HEATR5B: variants seen among roughly 807,000 people sequenced by gnomAD.
HEATR5B encodes the protein HEAT repeat-containing protein 5B.
Under a neutral mutation model 224.1 loss-of-function variants are expected in HEATR5B, and 156 were observed. The ratio of observed to expected loss-of-function variants is 0.70; its 90% CI spans 0.61 to 0.80. HEATR5B has a LOEUF of 0.80. Among genes scored for constraint, HEATR5B ranks in the 30% least tolerant of loss-of-function variants. HEATR5B has a pLI of 0.00. For synonymous variants in HEATR5B, 1,027 were observed against 893.0 expected, an observed-to-expected ratio of 1.15 and a Z score of -2.68; for missense variants, 2,323 against 2,535.5, an observed-to-expected ratio of 0.92 and a Z score of 1.80.
intron 11 of HEATR5B, among the ~76,000 whole-genome samples, chr2:37,061,560 C>T (rs529384636): frequency 6.6e-6 from 1 of 152,122 alleles, no homozygotes; most frequent in African/African-American, 2.4e-5. Context: ...TTAAGGGTTA[C>T]CCCAGAAAAG....
chr2:37,049,621 C>A lies in HEATR5B; in HGVS notation c.2696+32G>T, dbSNP rs1424140358. ...TATTTAAAAGACATCTTTGCCTACACATGAAACTTGTTAGTAAAGAAACCC... is the reference window on the plus strand; with the variant it reads ...TATTTAAAAGACATCTTTGCCTACAAATGAAACTTGTTAGTAAAGAAACCC... On this transcript the variant is annotated intron_variant, in intron 18 of 35. Transcript: ENST00000233099. The A allele has an allele frequency of 2.6e-6, 4 of 1,568,008 alleles. No homozygotes were observed. The South Asian group carries it at 3.4e-5, about 13-fold the overall frequency.
chr2:37,025,238 A>G (rs374026457), intron 24 of HEATR5B, among the ~76,000 whole-genome samples: 1 of 152,146 alleles, frequency 6.6e-6, no homozygotes, highest in Non-Finnish European at 1.5e-5. Context: ...AGCTGTTACA[A>G]CAGCTTACCC....
intron 5 of HEATR5B, among the ~76,000 whole-genome samples, chr2:37,073,370 G>A (rs1572940508): frequency 6.6e-6 from 1 of 152,144 alleles, no homozygotes; most frequent in African/African-American, 2.4e-5. Flanking sequence ...AATAGATGCT[G>A]AAAAATGATT....
chr2:37,052,954 T>C (rs972099378), intron 17 of HEATR5B, among the ~76,000 whole-genome samples: 2 of 152,202 alleles, frequency 1.3e-5, no homozygotes, highest in Non-Finnish European at 2.9e-5. Context: ...CAGTTGACCA[T>C]TGGTAATTGA....
At chr2:36,982,654 G>C (rs1665659114) in intron 35 of HEATR5B, among the ~76,000 whole-genome samples, 1 of 152,126 alleles carries the variant, frequency 6.6e-6, no homozygotes, top group African/African-American at 2.4e-5. Context: ...AGCAAGGACA[G>C]TGATAATAAT....
intron 18 of HEATR5B, 84 bp downstream of exon 18, chr2:37,049,569 T>G (rs529599244): frequency 8.2e-7 from 1 of 1,221,866 alleles, no homozygotes; most frequent in African/African-American, 1.5e-5. Flanking sequence ...GTATACCATG[T>G]GGAAAACATA....
In HEATR5B at chr2:37,002,290, C is replaced by A. The variant is rs1667137578; in HGVS notation, c.5317+16G>T. 3 of 1,613,852 alleles carry A rather than the reference C, an allele frequency of 1.9e-6. No homozygotes were observed. The highest frequency in any genetic ancestry group is 2.5e-6 in the Non-Finnish European group (3 of 1,179,742). On this transcript the variant is annotated intron_variant, in intron 32 of 35. Coordinates refer to ENST00000233099, the MANE Select transcript of HEATR5B (RefSeq NM_019024.3). ...CTGTAATATAATGCATTTCCAAATA[C>A]TGATCAATACCGTACCAGCGGGTGA...
chr2:37,040,718 A>C (rs1308570645), intron 19 of HEATR5B, among the ~76,000 whole-genome samples, 200 bp from the exon 20 acceptor site: 1 of 152,204 alleles, frequency 6.6e-6, no homozygotes, highest in East Asian at 1.9e-4. Context: ...AATAACGTCT[A>C]AAAAGAAACA....
chr2:36,999,225 C>CA (rs1222853647), intron 33 of HEATR5B, among the ~76,000 whole-genome samples: 11 of 151,698 alleles, frequency 7.3e-5, no homozygotes, highest in South Asian at 4.2e-4. Flanking sequence ...TCTCAAAAAA[C>CA]AAAAAAACAA....
rs189000336 is a variant in HEATR5B at position 37,026,353 on chromosome 2, G to A, written c.3853+1570C>T. Among the ~76,000 whole-genome samples, 595 of 152,304 alleles carry A rather than the reference G, an allele frequency of 3.9e-3. 23 individuals are homozygous for A. The highest frequency in any genetic ancestry group is 0.036 in the Admixed American group (552 of 15,296). Reference sequence around the variant, plus strand: ...CTTCTGACCTACAGAACTGTAAGATGATAAACTTGTGTGATTTTAAACCAA... The same window carrying A: ...CTTCTGACCTACAGAACTGTAAGATAATAAACTTGTGTGATTTTAAACCAA... On this transcript the variant is annotated intron_variant, in intron 24 of 35. Transcript: ENST00000233099.
intron 18 of HEATR5B, among the ~76,000 whole-genome samples, chr2:37,043,132 G>T (rs1669981090): frequency 6.6e-6 from 1 of 152,124 alleles, no homozygotes; most frequent in Admixed American, 6.6e-5. Flanking sequence ...TGCCAAAACT[G>T]TTCTACCCAA....
chr2:37,075,321 A>G (rs1351638792), intron 5 of HEATR5B, among the ~76,000 whole-genome samples, 164 bp downstream of exon 5: 2 of 152,254 alleles, frequency 1.3e-5, no homozygotes, highest in African/African-American at 2.4e-5. Flanking sequence ...CACATACACA[A>G]AAGTACATCT....
chr2:37,020,974 A>G (rs961538670), intron 24 of HEATR5B, 138 bp from the exon 25 acceptor site: 1 of 575,132 alleles, frequency 1.7e-6, no homozygotes, highest in African/African-American at 1.9e-5. Flanking sequence ...CAAAGATATT[A>G]TATTCTTTCA....
rs532602251 is a variant in HEATR5B at position 36,983,902 on chromosome 2, T to A, written c.5912-2108A>T. On this transcript the variant is annotated intron_variant, in intron 35 of 35. Coordinates refer to ENST00000233099, the MANE Select transcript of HEATR5B (RefSeq NM_019024.3). ...ATTAAGGTTTTGGTTTTAACAATTT[T>A]AAAATATAACTGGAGGCCGGACGCA... 3.3e-4 allele frequency among the ~76,000 whole-genome samples: 50 copies of A among 151,722 alleles called. 1 individual carries two copies. In the South Asian group the frequency reaches 9.6e-3, roughly 29 times the overall value.
rs775520208 is a variant in HEATR5B, at chr2:37,002,378, C to T, written c.5245G>A (p.Glu1749Lys). ...SHIATKTRLS[E>K]ESARLVAATV... ...GCTGCCACCAAACGAGCACTTTCTT[C>T]TGATAGTCGAGTTTTAGTGGCTATG... The change falls in exon 32 of 36, where the codon GAA (glutamate) becomes AAA (lysine). Residue 1749 changes from glutamate (E) to lysine (K), a missense_variant. Coordinates refer to ENST00000233099, the MANE Select transcript of HEATR5B (RefSeq NM_019024.3). The T allele has an allele frequency of 1.2e-5, 19 of 1,614,104 alleles. No individual in the cohort carries two copies. The East Asian group carries it at 4.2e-4, about 36-fold the overall frequency.
chr2:37,032,099 G>A (rs953542231), intron 22 of HEATR5B, among the ~76,000 whole-genome samples: 4 of 151,926 alleles, frequency 2.6e-5, no homozygotes, highest in East Asian at 1.9e-4. Flanking sequence ...AAATTACATC[G>A]CAAGAGGCTA....
At chr2:37,081,544 A>G (rs74427999) in intron 2 of HEATR5B, among the ~76,000 whole-genome samples, 11,746 of 152,216 alleles carry the variant, frequency 0.077, 551 homozygotes, top group South Asian at 0.12. Flanking sequence ...CCCCTAAGAG[A>G]TCACGGTTTT....
intron 21 of HEATR5B, among the ~76,000 whole-genome samples, chr2:37,034,632 A>G (rs113739931): frequency 1.3e-5 from 2 of 148,618 alleles, no homozygotes; most frequent in Non-Finnish European, 3.0e-5. Context: ...AAAAAAAAAA[A>G]AAAAAAAGAC....
At chr2:37,037,159 T>TATATATATATA (rs1448007926) in intron 21 of HEATR5B, among the ~76,000 whole-genome samples, 10 of 139,312 alleles carry the variant, frequency 7.2e-5, no homozygotes, top group South Asian at 2.5e-4. Flanking sequence ...TATATATATA[T>TATATATATATA]TTTGGAGATG....
Sources: gnomAD v4.1 joint callset for allele counts (sites outside exome capture counted in the v4.1 genomes callset) on GRCh38, gnomAD v4.1.1 for gene constraint, MANE v1.5 for transcripts, NCBI Gene and HGNC (gene_info 2026-07-23, HGNC 2026-07-21) for gene names.